Variants in MALSU1 observed in about 807,000 individuals in gnomAD.
MALSU1 encodes the protein mitochondrial assembly of ribosomal large subunit 1, also known as mitochondrial assembly of ribosomal large subunit protein 1.
Under a neutral mutation model 22.1 loss-of-function variants are expected in MALSU1, and 22 were observed. That is an observed-to-expected ratio of 1.00 (90% CI 0.71 to 1.42). The LOEUF (loss-of-function observed/expected upper bound fraction) is 1.42. Among genes scored for constraint, MALSU1 ranks in the 40% most tolerant of loss-of-function variants. The pLI, the probability that MALSU1 is intolerant of heterozygous loss-of-function variation, is 0.00. For missense variants in MALSU1, 379 were observed against 308.3 expected (o/e 1.23, Z -1.72); for synonymous variants, 153 against 118.5 (o/e 1.29, Z -1.89).
In MALSU1 at chr7:23,309,780, C is replaced by CATCA; in HGVS notation, c.*238_*241dup. 3 of 280,338 alleles carry CATCA rather than the reference C, an allele frequency of 1.1e-5. No homozygotes were observed. The allele number at this position is 280,338 out of a possible 1,614,324, so 17.4% of individuals were successfully genotyped here. A position where few individuals can be genotyped will look rare whatever the true frequency, so the allele number is the denominator to read the frequency against. The stretch of plus-strand genomic sequence containing the variant: ...CACGCTGCCTTTATCCTGGAAATGT[C>CATCA]ATCAGAATTTCCTGGAGTTAGCACT... On this transcript the variant is annotated 3_prime_UTR_variant, in exon 4 of 4. Coordinates refer to ENST00000466681, the MANE Select transcript of MALSU1 (RefSeq NM_138446.2).
rs778963106 is a variant in MALSU1, at chr7:23,309,848, A to C, written c.*305A>C. The C allele has an allele frequency of 5.1e-5, 9 of 176,758 alleles. No homozygotes were observed. Among genetic ancestry groups the C allele is most frequent in the Non-Finnish European group, 1.1e-4 (9 of 84,710 alleles). 10.9% of individuals were successfully genotyped at this position (176,758 alleles called of 1,614,324 possible). A position where few individuals can be genotyped will look rare whatever the true frequency, so the allele number is the denominator to read the frequency against. ...TCTCTGCTCAGATTTTTATTAATTTAATTTAGCTTAAATGTAAATCTTAAC... is the reference window on the plus strand; with the variant it reads ...TCTCTGCTCAGATTTTTATTAATTTCATTTAGCTTAAATGTAAATCTTAAC... On this transcript the variant is annotated 3_prime_UTR_variant, in exon 4 of 4. Coordinates refer to ENST00000466681, the MANE Select transcript of MALSU1 (RefSeq NM_138446.2).
Position 23,300,988 on chromosome 7 carries a change from C to T in MALSU1, c.406C>T (p.His136Tyr). The T allele has an allele frequency of 1.2e-6, 2 of 1,613,908 alleles. No individual in the cohort carries two copies. Among genetic ancestry groups the T allele is most frequent in the Non-Finnish European group, 1.7e-6 (2 of 1,179,886 alleles). The change falls in exon 2 of 4, where the codon CAT becomes TAT. Residue 136 changes from histidine (H) to tyrosine (Y), a missense_variant. His to Tyr is a moderately conservative substitution (Grantham distance 83, BLOSUM62 2). Transcript: ENST00000466681. ...TAGTGGAACTTCTACCCGACACTTACATGCCATGGCCTTCTACGTTGTGAA... is the reference window on the plus strand; with the variant it reads ...TAGTGGAACTTCTACCCGACACTTATATGCCATGGCCTTCTACGTTGTGAA... ...IVSGTSTRHL[H>Y]AMAFYVVKMY...
At chr7:23,300,314 C>T (rs976741594) in intron 1 of MALSU1, among the ~76,000 whole-genome samples, 1 of 152,138 alleles carries the variant, frequency 6.6e-6, no homozygotes, top group East Asian at 1.9e-4. Flanking sequence ...AAATGTAGCT[C>T]TTTCAGTGAC....
rs747808852 is a variant in MALSU1, at chr7:23,309,574, G to T, written c.*31G>T. 4 of 1,522,472 alleles carry T rather than the reference G, an allele frequency of 2.6e-6. No individual in the cohort carries two copies. The South Asian group carries it at 3.7e-5, about 14-fold the overall frequency. The allele number at this position is 1,522,472 out of a possible 1,614,324, so 94.3% of individuals were successfully genotyped here. A position where few individuals can be genotyped will look rare whatever the true frequency, so the allele number is the denominator to read the frequency against. ...TTTATGCACTGCGTTAGTCATTTCA[G>T]ATTTGGATTGAGTCACTTATTGGAA... On this transcript the variant is annotated 3_prime_UTR_variant, in exon 4 of 4. Transcript: ENST00000466681.
At position 23,307,915 on chromosome 7, in the gene MALSU1, G is replaced by T. The variant is rs1440594488; in HGVS notation, c.483G>T (p.Gly161=). ...GTGACCCTCATGTTAAGATAGAAGG[G>T]AAGGACACTGATGACTGGCTGTGCG... is the stretch of plus-strand genomic sequence containing the variant. ...CKRDPHVKIE[G]KDTDDWLCVD... Residue 161 remains glycine, a synonymous_variant, in exon 3 of 4, where the codon GGG becomes GGT. Coordinates refer to ENST00000466681, the MANE Select transcript of MALSU1 (RefSeq NM_138446.2). 5 of 1,614,014 alleles carry T rather than the reference G, an allele frequency of 3.1e-6. No homozygotes were observed. The highest frequency in any genetic ancestry group is 4.2e-6 in the Non-Finnish European group (5 of 1,179,912).
At chr7:23,306,517 C>T (rs1182311484) in intron 2 of MALSU1, among the ~76,000 whole-genome samples, 1 of 151,752 alleles carries the variant, frequency 6.6e-6, no homozygotes, top group Non-Finnish European at 1.5e-5. Context: ...AGTCTTGTTC[C>T]TGATCTTACA....
intron 2 of MALSU1, 134 bp from the exon 3 acceptor site, chr7:23,307,734 G>A (rs1783739814): frequency 1.6e-6 from 1 of 618,782 alleles, no homozygotes; most frequent in Non-Finnish European, 2.9e-6. Flanking sequence ...TTCATCACAG[G>A]GCAAAGTATA....
In MALSU1 at chr7:23,299,389, C is replaced by A. The variant is rs755019900; in HGVS notation, c.37C>A (p.Pro13Thr). Reference protein sequence around the residue: ...PGGRVARLLAPLMWRRAVSSV... With the variant: ...PGGRVARLLATLMWRRAVSSV... The stretch of plus-strand genomic sequence containing the variant: ...CGGCCGTGTGGCGCGGCTGCTCGCC[C>A]CACTAATGTGGCGCAGGGCGGTTTC... The change falls in exon 1 of 4, where the codon CCA (proline) becomes ACA (threonine). Residue 13 changes from proline to threonine, a missense_variant. Transcript: ENST00000466681. 1.9e-6 allele frequency: 3 copies of A among 1,595,660 alleles called. No homozygotes were observed. The highest frequency in any genetic ancestry group is 1.1e-5 in the South Asian group (1 of 90,416).
Position 23,299,493 on chromosome 7 carries a change from G to A in MALSU1, c.141G>A (p.Ala47=), listed in dbSNP as rs887048320. ...TGCAGCGGCTTCCCGTAGGAGCAGCGTTCTGCCGGGCTTGCCAGACCCCAA... is the reference window on the plus strand; with the variant it reads ...TGCAGCGGCTTCCCGTAGGAGCAGCATTCTGCCGGGCTTGCCAGACCCCAA... The part of the protein sequence containing the change: ...LAVQRLPVGA[A]FCRACQTPNF... The change falls in exon 1 of 4, where the codon GCG becomes GCA. Residue 47 remains alanine, a synonymous_variant. Coordinates refer to ENST00000466681, the MANE Select transcript of MALSU1 (RefSeq NM_138446.2). 9 of 1,611,786 alleles carry A rather than the reference G, an allele frequency of 5.6e-6. No individual in the cohort carries two copies. The highest frequency in any genetic ancestry group is 6.8e-6 in the Non-Finnish European group (8 of 1,179,846).
chr7:23,306,990 T>C (rs949269949), intron 2 of MALSU1, among the ~76,000 whole-genome samples: 1 of 152,192 alleles, frequency 6.6e-6, no homozygotes, highest in East Asian at 1.9e-4. Flanking sequence ...AGGGAAGCCA[T>C]CTGGTCTAGG....
At chr7:23,300,585 C>T (rs1418158965) in intron 1 of MALSU1, among the ~76,000 whole-genome samples, 1 of 152,184 alleles carries the variant, frequency 6.6e-6, no homozygotes, top group East Asian at 1.9e-4. Context: ...GTGTCTGGTT[C>T]TACTTGCATA....
rs1783781273 is a variant in MALSU1, at chr7:23,309,748, C to CTT, written c.*206_*207dup. The CTT allele has an allele frequency of 1.4e-5, 5 of 351,076 alleles. No homozygotes were observed. The allele number at this position is 351,076 out of a possible 1,614,324, so 21.7% of individuals were successfully genotyped here. A position where few individuals can be genotyped will look rare whatever the true frequency, so the allele number is the denominator to read the frequency against. ...AAAAATCAGTACATTCTACCCAAAA[C>CTT]TTATGACACGCTGCCTTTATCCTGG... On this transcript the variant is annotated 3_prime_UTR_variant, in exon 4 of 4. Transcript: ENST00000466681.
At chr7:23,308,826 CT>C (rs1783760606) in intron 3 of MALSU1, among the ~76,000 whole-genome samples, 1 of 152,152 alleles carries the variant, frequency 6.6e-6, no homozygotes, top group Admixed American at 6.5e-5. Flanking sequence ...GGAGGGGTGT[CT>C]CTTGTGCACG....
rs868595525 is a variant in MALSU1 at position 23,311,415 on chromosome 7, A to T, written c.*1872A>T. On this transcript the variant is annotated 3_prime_UTR_variant, in exon 4 of 4. Coordinates refer to ENST00000466681, the MANE Select transcript of MALSU1 (RefSeq NM_138446.2). The stretch of plus-strand genomic sequence containing the variant: ...GCATTCAATCATGTAGCTAAACAAA[A>T]AACTGAAGTCTCCTGAAGCCATTTA... 29 of 152,760 alleles carry T rather than the reference A, an allele frequency of 1.9e-4. 1 individual carries two copies. Among genetic ancestry groups the T allele is most frequent in the Middle Eastern group, 3.4e-3 (1 of 294 alleles). 9.5% of individuals were successfully genotyped at this position (152,760 alleles called of 1,614,324 possible).
At chr7:23,309,077 T>A (rs369453428) in intron 3 of MALSU1, among the ~76,000 whole-genome samples, 53 of 152,286 alleles carry the variant, frequency 3.5e-4, no homozygotes, top group African/African-American at 1.3e-3. Flanking sequence ...CCATGGAGAA[T>A]TGTCACCGAA....
chr7:23,308,970 C>T (rs1010336995), intron 3 of MALSU1, among the ~76,000 whole-genome samples: 3 of 152,170 alleles, frequency 2.0e-5, no homozygotes, highest in Non-Finnish European at 4.4e-5. Context: ...GAGGCAGTAT[C>T]TTTCTGTTAA....
chr7:23,299,339 G>C lies in MALSU1; in HGVS notation c.-14G>C. On this transcript the variant is annotated 5_prime_UTR_variant, in exon 1 of 4. Transcript: ENST00000466681. ...AGTACCACCCACCCGCGACGCCGAC[G>C]CAAGGCTGCTGCTATGGGGCCGGGC... 6.5e-7 allele frequency: 1 copy of C among 1,545,118 alleles called. No individual in the cohort carries two copies. Among genetic ancestry groups the C allele is most frequent in the South Asian group, 1.2e-5 (1 of 83,998 alleles).
At chr7:23,303,828 A>G (rs931660661) in intron 2 of MALSU1, among the ~76,000 whole-genome samples, 2 of 151,484 alleles carry the variant, frequency 1.3e-5, no homozygotes, top group Admixed American at 6.6e-5. Flanking sequence ...AAAAAAAAAA[A>G]AAAGGCTGGG....
In MALSU1 at chr7:23,311,470, A is replaced by C. The variant is rs1783827014; in HGVS notation, c.*1927A>C. 6.6e-6 allele frequency: 1 copy of C among 152,510 alleles called. No homozygotes were observed. The highest frequency in any genetic ancestry group is 1.5e-5 in the Non-Finnish European group (1 of 68,018). 9.4% of individuals were successfully genotyped at this position (152,510 alleles called of 1,614,324 possible). ...AGCCGTTCCAAAATCTCCTGCGACC[A>C]CTTTGTTAGTACCGTCAAAAACTTT... On this transcript the variant is annotated 3_prime_UTR_variant, in exon 4 of 4. Transcript: ENST00000466681.
Sources: allele counts gnomAD v4.1 joint callset (sites outside exome capture counted in the v4.1 genomes callset), GRCh38; gene constraint gnomAD v4.1.1; transcripts MANE v1.5; gene names NCBI Gene and HGNC (gene_info 2026-07-23, HGNC 2026-07-21).